TMEM38B: variants seen among roughly 807,000 people sequenced by gnomAD.
TMEM38B encodes the protein transmembrane protein 38B, also known as trimeric intracellular cation channel type B.
Under a neutral mutation model 28.7 loss-of-function variants are expected in TMEM38B, and 24 were observed. The ratio of observed to expected loss-of-function variants is 0.84; its 90% CI spans 0.61 to 1.18. The LOEUF (loss-of-function observed/expected upper bound fraction) is 1.18. Among genes scored for constraint, TMEM38B ranks in the 50% most tolerant of loss-of-function variants. TMEM38B has a pLI of 0.00. For synonymous variants in TMEM38B, 131 were observed against 127.7 expected, an observed-to-expected ratio of 1.03 and a Z score of -0.17; for missense variants, 380 against 350.9, an observed-to-expected ratio of 1.08 and a Z score of -0.66.
intron 4 of TMEM38B, among the ~76,000 whole-genome samples, chr9:105,741,122 A>G (rs562927669): frequency 3.2e-4 from 49 of 152,334 alleles, no homozygotes; most frequent in African/African-American, 8.7e-4. Context: ...TTAGAATGCT[A>G]TAGCCACAAG....
chr9:105,767,302 T>C (rs1398270798), intron 5 of TMEM38B, among the ~76,000 whole-genome samples: 1 of 152,196 alleles, frequency 6.6e-6, no homozygotes, highest in Non-Finnish European at 1.5e-5. Context: ...TCTATTGATT[T>C]ATATGTCTAT....
intron 4 of TMEM38B, among the ~76,000 whole-genome samples, chr9:105,746,635 A>C (rs1228519034): frequency 5.3e-5 from 8 of 152,146 alleles, no homozygotes; most frequent in Non-Finnish European, 8.8e-5. Context: ...GTGGTGAGAG[A>C]GGGCATCCCT....
intron 5 of TMEM38B, among the ~76,000 whole-genome samples, chr9:105,756,570 C>A (rs758831666): frequency 6.6e-6 from 1 of 152,134 alleles, no homozygotes; most frequent in Non-Finnish European, 1.5e-5. Context: ...TGGTATCTTA[C>A]ATTTTCTTGA....
At chr9:105,745,705 A>G (rs955329826) in intron 4 of TMEM38B, among the ~76,000 whole-genome samples, 9 of 152,084 alleles carry the variant, frequency 5.9e-5, no homozygotes, top group East Asian at 3.9e-4. Flanking sequence ...TTCTTCTAGG[A>G]TTTTTATGGT....
intron 4 of TMEM38B, among the ~76,000 whole-genome samples, chr9:105,740,589 T>A (rs1837166414): frequency 6.6e-6 from 1 of 152,240 alleles, no homozygotes; most frequent in Non-Finnish European, 1.5e-5. Context: ...TAAATGCTAG[T>A]ACGTGGAATT....
chr9:105,762,878 T>C (rs1216170016), intron 5 of TMEM38B, among the ~76,000 whole-genome samples: 1 of 145,670 alleles, frequency 6.9e-6, no homozygotes, highest in Admixed American at 6.8e-5. Context: ...CCACCAACAG[T>C]GTAAAAGTGT....
chr9:105,723,678 TG>T (rs1402565114), intron 4 of TMEM38B, among the ~76,000 whole-genome samples: 1 of 152,070 alleles, frequency 6.6e-6, no homozygotes. Context: ...ATTACAGATG[TG>T]AAGCACCACA....
At chr9:105,759,478 G>A in intron 5 of TMEM38B, 2 of 1,579,846 alleles carry the variant, frequency 1.3e-6, no homozygotes, top group Non-Finnish European at 1.7e-6. Context: ...AAGAAACAGA[G>A]GAGTGAGTGC....
rs958201723 is a variant in TMEM38B at position 105,702,320 on chromosome 9, T to C, written c.113-3277T>C. The stretch of plus-strand genomic sequence containing the variant: ...TATGTAATATGTAGAGTTGAAGTTT[T>C]AAGAAGGCTAGAACATTCCCATGCT... On this transcript the variant is annotated intron_variant, in intron 1 of 5. Coordinates refer to ENST00000374692, the MANE Select transcript of TMEM38B (RefSeq NM_018112.3). Among the ~76,000 whole-genome samples the C allele has an allele frequency of 2.0e-5, 3 of 152,170 alleles. 1 individual carries two copies. The highest frequency in any genetic ancestry group is 4.4e-5 in the Non-Finnish European group (3 of 68,028).
chr9:105,770,406 GTTTA>G (rs879885537), intron 5 of TMEM38B, among the ~76,000 whole-genome samples: 5 of 151,966 alleles, frequency 3.3e-5, no homozygotes, highest in African/African-American at 4.8e-5. Context: ...TCTTTCACAG[GTTTA>G]TTTAATTATT....
chr9:105,722,773 TG>T (rs1836369173), intron 4 of TMEM38B, 152 bp downstream of exon 4: 1 of 581,720 alleles, frequency 1.7e-6, no homozygotes, highest in Admixed American at 3.6e-5. Context: ...TAGCAAATTT[TG>T]TTCTTTTAAA....
chr9:105,744,329 T>C (rs2133611291), intron 4 of TMEM38B, among the ~76,000 whole-genome samples: 1 of 152,100 alleles, frequency 6.6e-6, no homozygotes, highest in East Asian at 1.9e-4. Context: ...TTCAGTTGAA[T>C]ATGAGGAGTA....
At chr9:105,744,950 G>A (rs1456045575) in intron 4 of TMEM38B, among the ~76,000 whole-genome samples, 2 of 152,144 alleles carry the variant, frequency 1.3e-5, no homozygotes, top group African/African-American at 4.8e-5. Flanking sequence ...GTATTCCATG[G>A]TGTATATGTG....
chr9:105,715,518 T>G (rs1836065006), intron 2 of TMEM38B, among the ~76,000 whole-genome samples: 1 of 152,108 alleles, frequency 6.6e-6, no homozygotes, highest in Non-Finnish European at 1.5e-5. Flanking sequence ...AGAACTCTTA[T>G]TATTGGTATA....
At chr9:105,766,345 G>A (rs964769846) in intron 5 of TMEM38B, among the ~76,000 whole-genome samples, 1 of 152,078 alleles carries the variant, frequency 6.6e-6, no homozygotes, top group African/African-American at 2.4e-5. Flanking sequence ...GTTTTCTTTT[G>A]CATTTCTGTG....
chr9:105,738,715 C>CTTTTTTTTTTTTTTTTTT (rs71489351), intron 4 of TMEM38B, among the ~76,000 whole-genome samples: 1 of 109,690 alleles, frequency 9.1e-6, no homozygotes, highest in African/African-American at 4.1e-5. Flanking sequence ...TAATTTTTTC[C>CTTTTTTTTTTTTTTTTTT]TTTTTTTTTT....
At chr9:105,747,830 A>G (rs1487472901) in intron 4 of TMEM38B, among the ~76,000 whole-genome samples, 2 of 151,976 alleles carry the variant, frequency 1.3e-5, no homozygotes, top group Non-Finnish European at 2.9e-5. Flanking sequence ...TCATTTTGTT[A>G]TGCACCCAGT....
intron 4 of TMEM38B, among the ~76,000 whole-genome samples, chr9:105,729,452 G>A (rs917358188): frequency 6.6e-6 from 1 of 152,114 alleles, no homozygotes; most frequent in African/African-American, 2.4e-5. Context: ...CTCTGTTTTG[G>A]TACCAGTACC....
intron 1 of TMEM38B, among the ~76,000 whole-genome samples, chr9:105,696,877 A>C (rs973490450): frequency 6.6e-6 from 1 of 152,234 alleles, no homozygotes; most frequent in African/African-American, 2.4e-5. Flanking sequence ...TAAAATATAA[A>C]TCTTAGAGGC....
Sources: allele counts gnomAD v4.1 joint callset (sites outside exome capture counted in the v4.1 genomes callset), GRCh38; gene constraint gnomAD v4.1.1; transcripts MANE v1.5; gene names NCBI Gene and HGNC (gene_info 2026-07-23, HGNC 2026-07-21).